GPHN: variants seen among roughly 807,000 people sequenced by gnomAD.
The protein encoded by GPHN is gephyrin.
In GPHN, 17 loss-of-function variants were observed where a neutral mutation model predicts 95.5. That is an observed-to-expected ratio of 0.18 (90% CI 0.12 to 0.27). GPHN has a LOEUF of 0.27. GPHN is among the 10% of genes least tolerant of loss of function. GPHN has a pLI of 1.00. For synonymous variants in GPHN, 320 were observed against 322.5 expected, an observed-to-expected ratio of 0.99 and a Z score of 0.08; for missense variants, 660 against 978.1, an observed-to-expected ratio of 0.67 and a Z score of 4.34.
At chr14:67,674,353 G>A in the GPHN span, 1 of 1,569,812 alleles carries the variant, frequency 6.4e-7, no homozygotes, top group Non-Finnish European at 8.6e-7. Flanking sequence ...GCTCCCCACG[G>A]CGTGGCCCAC....
chr14:67,094,953 T>C (rs1029051194), intron 12 of GPHN, among the ~76,000 whole-genome samples: 1 of 152,212 alleles, frequency 6.6e-6, no homozygotes, highest in Non-Finnish European at 1.5e-5. Context: ...AGCAATAGGC[T>C]ATACCATGTA....
At chr14:66,562,019 G>T (rs1174417162) in intron 1 of GPHN, among the ~76,000 whole-genome samples, 1 of 151,978 alleles carries the variant, frequency 6.6e-6, no homozygotes, top group Admixed American at 6.6e-5. Context: ...CTCTTTCTTT[G>T]AAAACAATTG....
chr14:66,840,970 GATAGAT>G (rs55658047), intron 4 of GPHN, among the ~76,000 whole-genome samples: 23,339 of 120,950 alleles, frequency 0.19, 2,491 homozygotes, highest in Middle Eastern at 0.28. Flanking sequence ...AAGCCTACTA[GATAGAT>G]ATAGATATAG....
the GPHN span, among the ~76,000 whole-genome samples, chr14:67,438,850 G>A: frequency 1.6e-5 from 2 of 127,662 alleles, no homozygotes; most frequent in Admixed American, 9.0e-5. Flanking sequence ...AACAGAGTGA[G>A]ACTCCGTCTC....
chr14:67,286,357 T>A, the GPHN span, among the ~76,000 whole-genome samples: 1 of 152,348 alleles, frequency 6.6e-6, no homozygotes, highest in South Asian at 2.1e-4. Flanking sequence ...CTTCTCTCTG[T>A]CCTCTGTCTT....
chr14:67,169,404 C>T (rs1272508564), intron 21 of GPHN, among the ~76,000 whole-genome samples: 2 of 152,204 alleles, frequency 1.3e-5, no homozygotes, highest in African/African-American at 4.8e-5. Flanking sequence ...CTCAGAGGGA[C>T]AGCAATTAAC....
intron 12 of GPHN, among the ~76,000 whole-genome samples, chr14:67,095,817 A>G (rs1192181463): frequency 2.6e-5 from 4 of 151,976 alleles, no homozygotes; most frequent in Admixed American, 1.3e-4. Context: ...ATTAGGAGAT[A>G]TACCTAATGC....
At chr14:67,383,071 T>TA in the GPHN span, among the ~76,000 whole-genome samples, 1 of 152,150 alleles carries the variant, frequency 6.6e-6, no homozygotes, top group Non-Finnish European at 1.5e-5. Context: ...TTTTAGCTTA[T>TA]AAAAATGACA....
chr14:66,569,427 C>T (rs1339008799), intron 1 of GPHN, among the ~76,000 whole-genome samples: 7 of 152,094 alleles, frequency 4.6e-5, no homozygotes, highest in Non-Finnish European at 7.4e-5. Flanking sequence ...CTTTGGGAGG[C>T]GGAGGCAGGC....
chr14:67,258,740 T>C, the GPHN span, among the ~76,000 whole-genome samples: 2 of 152,024 alleles, frequency 1.3e-5, no homozygotes, highest in Admixed American at 1.3e-4. Context: ...GCCTTGATAC[T>C]GTTAACTCCT....
chr14:67,119,490 A>C (rs1371183798), intron 16 of GPHN, among the ~76,000 whole-genome samples: 1 of 152,134 alleles, frequency 6.6e-6, no homozygotes, highest in African/African-American at 2.4e-5. Flanking sequence ...CAAAGGGGAA[A>C]ACAAAGTTAA....
the GPHN span, among the ~76,000 whole-genome samples, chr14:67,342,228 A>T: frequency 1.3e-3 from 197 of 151,080 alleles, 3 homozygotes; most frequent in East Asian, 5.8e-3. Flanking sequence ...TAAAATAAAA[A>T]AAAACACAAA....
At chr14:67,006,373 G>T (rs1393198334) in intron 9 of GPHN, among the ~76,000 whole-genome samples, 1 of 151,996 alleles carries the variant, frequency 6.6e-6, no homozygotes, top group Non-Finnish European at 1.5e-5. Flanking sequence ...GTATTGCCTG[G>T]AGTCATGAAA....
intron 10 of GPHN, among the ~76,000 whole-genome samples, chr14:67,024,384 C>G (rs933554148): frequency 2.0e-5 from 3 of 152,138 alleles, no homozygotes; most frequent in Non-Finnish European, 4.4e-5. Context: ...TTCTCTATAT[C>G]TTAATAGCTT....
the GPHN span, among the ~76,000 whole-genome samples, chr14:67,235,454 G>A: frequency 1.3e-5 from 2 of 152,040 alleles, no homozygotes; most frequent in Admixed American, 6.5e-5. Flanking sequence ...GGTGGCTCAC[G>A]CTTGTAATCC....
chr14:67,701,541 A>G, the GPHN span, among the ~76,000 whole-genome samples: 45 of 147,836 alleles, frequency 3.0e-4, 1 homozygote, highest in African/African-American at 1.1e-3. Context: ...CTCCCGCCTC[A>G]GCCTCCCGAG....
chr14:67,618,149 C>A, the GPHN span, among the ~76,000 whole-genome samples: 1 of 152,178 alleles, frequency 6.6e-6, no homozygotes, highest in Non-Finnish European at 1.5e-5. Context: ...AAAGTATCAA[C>A]ATAATTTCAA....
intron 1 of GPHN, among the ~76,000 whole-genome samples, chr14:66,514,520 T>C (rs1350126571): frequency 6.6e-6 from 1 of 152,074 alleles, no homozygotes; most frequent in Admixed American, 6.5e-5. Flanking sequence ...TATATGTTTC[T>C]ATCTTTTAGC....
the GPHN span, among the ~76,000 whole-genome samples, chr14:67,498,902 C>T: frequency 6.6e-6 from 1 of 152,202 alleles, no homozygotes; most frequent in Admixed American, 6.5e-5. Context: ...CTCCTGACCT[C>T]AGCTGATCCA....
Sources: allele counts gnomAD v4.1 joint callset (sites outside exome capture counted in the v4.1 genomes callset), GRCh38; gene constraint gnomAD v4.1.1; transcripts MANE v1.5; gene names NCBI Gene and HGNC (gene_info 2026-07-23, HGNC 2026-07-21).